The following SLC25A40 variants were observed in gnomAD, a reference collection of about 807,000 sequenced individuals.
SLC25A40 encodes solute carrier family 25 member 40, also known as mitochondrial glutathione transporter SLC25A40.
SLC25A40 carries 41 observed loss-of-function variants against 46.5 expected under a neutral mutation model. The observed-to-expected ratio is 0.88, with a 90% CI of 0.69 to 1.14. SLC25A40 has a LOEUF of 1.14. Ranked by LOEUF, SLC25A40 falls within the 50% of genes most tolerant of loss-of-function variation. The probability of loss-of-function intolerance (pLI) is 0.00; values close to 1 mark genes in which losing one functional copy is unlikely to be tolerated. For missense variants in SLC25A40, 386 were observed against 393.6 expected (o/e 0.98, Z 0.16); for synonymous variants, 126 against 127.5 (o/e 0.99, Z 0.08).
Position 87,833,772 on chromosome 7 carries a change from GT to G in SLC25A40, c.*2476del, listed in dbSNP as rs1838222822. The G allele has an allele frequency of 6.6e-6, 1 of 151,654 alleles. No individual in the cohort carries two copies. The highest frequency in any genetic ancestry group is 2.4e-5 in the African/African-American group (1 of 41,330). The allele number at this position is 151,654 out of a possible 1,614,324, so 9.4% of individuals were successfully genotyped here. Reference sequence around the variant, plus strand: ...TTATACAGATTATTTCATCACCCAGGTATTAAGCCTAGTACCCATTAGTTAT... The same window carrying G: ...TTATACAGATTATTTCATCACCCAGGATTAAGCCTAGTACCCATTAGTTAT... On this transcript the variant is annotated 3_prime_UTR_variant, in exon 12 of 12. Coordinates refer to ENST00000341119, the MANE Select transcript of SLC25A40 (RefSeq NM_018843.4).
At chr7:87,837,587 T>C (rs1838274491) in intron 10 of SLC25A40, among the ~76,000 whole-genome samples, 1 of 151,318 alleles carries the variant, frequency 6.6e-6, no homozygotes, top group African/African-American at 2.4e-5. Context: ...TCAGCAAAAG[T>C]AGATGTCACT....
chr7:87,847,737 A>G, intron 7 of SLC25A40, 116 bp downstream of exon 7: 1 of 1,010,104 alleles, frequency 9.9e-7, no homozygotes, highest in Non-Finnish European at 1.4e-6. Context: ...TATAAACTAT[A>G]ATGCAAAATA....
intron 4 of SLC25A40, 55 bp downstream of exon 4, chr7:87,856,235 ACC>A: frequency 1.4e-6 from 2 of 1,396,668 alleles, no homozygotes; most frequent in Non-Finnish European, 2.0e-6. Flanking sequence ...AAAAAAAAAA[ACC>A]ACAGGAACAT....
rs539584184 is a variant in SLC25A40, at chr7:87,835,548, C to T, written c.*701G>A. On this transcript the variant is annotated 3_prime_UTR_variant, in exon 12 of 12. Transcript: ENST00000341119. ...AACATTTGCTACTATCAGTAAAAAA[C>T]TCCCTCTCTTACAGGAATGGCAGAA... 6.6e-6 allele frequency: 1 copy of T among 151,576 alleles called. No homozygotes were observed. The highest frequency in any genetic ancestry group is 2.1e-4 in the South Asian group (1 of 4,828). The allele number at this position is 151,576 out of a possible 1,614,324, so 9.4% of individuals were successfully genotyped here. A position where few individuals can be genotyped will look rare whatever the true frequency, so the allele number is the denominator to read the frequency against.
chr7:87,867,555 G>A (rs1762139512), intron 1 of SLC25A40, among the ~76,000 whole-genome samples: 1 of 152,180 alleles, frequency 6.6e-6, no homozygotes, highest in Non-Finnish European at 1.5e-5. Flanking sequence ...CTTGGTTGGA[G>A]AGCTCATGTA....
At chr7:87,849,841 A>C in intron 6 of SLC25A40, 40 bp downstream of exon 6, 1 of 1,336,048 alleles carries the variant, frequency 7.5e-7, no homozygotes, top group South Asian at 1.3e-5. Flanking sequence ...ATAAAATAAC[A>C]ATCATTATTT....
chr7:87,851,212 A>G (rs922922359), intron 5 of SLC25A40, among the ~76,000 whole-genome samples: 1 of 152,272 alleles, frequency 6.6e-6, no homozygotes, highest in African/African-American at 2.4e-5. Flanking sequence ...AATAAATTAA[A>G]TGTAATATAT....
chr7:87,868,067 TCTGC>T (rs1270605208), intron 1 of SLC25A40, among the ~76,000 whole-genome samples: 3 of 152,062 alleles, frequency 2.0e-5, no homozygotes, highest in Admixed American at 6.5e-5. Context: ...CACCTTTTAC[TCTGC>T]CTGCCCTGAG....
intron 8 of SLC25A40, chr7:87,844,094 T>C (rs1838377808): frequency 2.0e-5 from 12 of 605,422 alleles, no homozygotes; most frequent in Non-Finnish European, 2.5e-5. Flanking sequence ...AGTAGGACTA[T>C]AATTCCAAAA....
chr7:87,872,421 A>G (rs1441373796), intron 1 of SLC25A40, among the ~76,000 whole-genome samples: 1 of 152,216 alleles, frequency 6.6e-6, no homozygotes, highest in Non-Finnish European at 1.5e-5. Flanking sequence ...ATAGGAAAAA[A>G]CAATAAAAGC....
intron 8 of SLC25A40, among the ~76,000 whole-genome samples, chr7:87,844,537 A>G (rs1311889402): frequency 1.3e-5 from 2 of 152,240 alleles, no homozygotes; most frequent in African/African-American, 2.4e-5. Context: ...TATTGTCACT[A>G]TAATTCAAAA....
intron 1 of SLC25A40, among the ~76,000 whole-genome samples, chr7:87,872,155 T>C (rs556866518): frequency 1.3e-5 from 2 of 152,356 alleles, no homozygotes; most frequent in South Asian, 4.1e-4. Flanking sequence ...TTACTTAATC[T>C]TCTTACATAA....
chr7:87,847,137 T>C lies in SLC25A40; in HGVS notation c.458-15A>G, dbSNP rs532932751. The C allele has an allele frequency of 3.9e-6, 6 of 1,555,790 alleles. No homozygotes were observed. The Admixed American group carries it at 1.2e-4, about 31-fold the overall frequency. On this transcript the variant is annotated splice_polypyrimidine_tract_variant and intron_variant, in intron 7 of 11. Transcript: ENST00000341119. ...TACTGCACCAACTAATACAAACAAG[T>C]TAAAAAAAAGAAAACAAAAATAAAG...
chr7:87,851,305 G>A (rs540744798), intron 5 of SLC25A40, among the ~76,000 whole-genome samples: 2 of 152,254 alleles, frequency 1.3e-5, no homozygotes, highest in East Asian at 3.9e-4. Context: ...ACTATGCTAA[G>A]TAAAAGACAT....
intron 5 of SLC25A40, 47 bp from the exon 6 acceptor site, chr7:87,849,995 T>C: frequency 8.2e-7 from 1 of 1,216,112 alleles, no homozygotes; most frequent in Non-Finnish European, 1.1e-6. Flanking sequence ...TCTTTAAACC[T>C]TTTATACAAA....
At chr7:87,869,218 T>G (rs989389978) in intron 1 of SLC25A40, among the ~76,000 whole-genome samples, 1 of 152,144 alleles carries the variant, frequency 6.6e-6, no homozygotes, top group African/African-American at 2.4e-5. Context: ...TACACCACCA[T>G]TTTGGAATTG....
intron 5 of SLC25A40, among the ~76,000 whole-genome samples, chr7:87,850,405 A>G (rs970672246): frequency 1.3e-5 from 2 of 152,214 alleles, no homozygotes; most frequent in Non-Finnish European, 2.9e-5. Flanking sequence ...ACAAAAAGAT[A>G]AAGTAATTAA....
Position 87,836,204 on chromosome 7 carries a change from C to T in SLC25A40, c.*45G>A. 1 of 1,159,988 alleles carries T rather than the reference C, an allele frequency of 8.6e-7. No individual in the cohort carries two copies. Among genetic ancestry groups the T allele is most frequent in the African/African-American group, 1.6e-5 (1 of 62,524 alleles). The allele number at this position is 1,159,988 out of a possible 1,614,324, so 71.9% of individuals were successfully genotyped here. A position where few individuals can be genotyped will look rare whatever the true frequency, so the allele number is the denominator to read the frequency against. On this transcript the variant is annotated 3_prime_UTR_variant, in exon 12 of 12. Transcript: ENST00000341119. ...AAAAACATTCTTGCCTAAGAGTCTCCATCTTCTTTGGCTATAGTTGTTGTT... is the reference window on the plus strand; with the variant it reads ...AAAAACATTCTTGCCTAAGAGTCTCTATCTTCTTTGGCTATAGTTGTTGTT...
At chr7:87,875,601 C>T (rs557751467) in intron 1 of SLC25A40, among the ~76,000 whole-genome samples, 2 of 148,202 alleles carry the variant, frequency 1.3e-5, no homozygotes. Flanking sequence ...AAAATATATT[C>T]ACAAGCATTT....
Sources: allele counts gnomAD v4.1 joint callset (sites outside exome capture counted in the v4.1 genomes callset), GRCh38; gene constraint gnomAD v4.1.1; transcripts MANE v1.5; gene names NCBI Gene and HGNC (gene_info 2026-07-23, HGNC 2026-07-21).